Variants in FA2H observed in about 807,000 individuals in gnomAD.
FA2H encodes the protein fatty acid 2-hydroxylase, also known as fatty acid alpha-hydroxylase.
FA2H carries 22 observed loss-of-function variants against 44.9 expected under a neutral mutation model. The observed-to-expected ratio is 0.49, with a 90% CI of 0.35 to 0.70. The LOEUF (loss-of-function observed/expected upper bound fraction) is 0.70, where lower values mean the gene tolerates loss of function less well. FA2H is among the 30% of genes least tolerant of loss of function. The pLI is 0.01. For missense variants in FA2H, 501 were observed against 504.9 expected (o/e 0.99, Z 0.07); for synonymous variants, 243 against 213.2 (o/e 1.14, Z -1.22).
intron 2 of FA2H, among the ~76,000 whole-genome samples, chr16:74,735,718 G>A (rs899548454): frequency 9.2e-5 from 14 of 152,148 alleles, no homozygotes; most frequent in Non-Finnish European, 1.8e-4. Flanking sequence ...ATAAGATGCA[G>A]GGTTGCAATC....
intron 1 of FA2H, among the ~76,000 whole-genome samples, chr16:74,752,815 A>G (rs930536776): frequency 9.2e-5 from 14 of 152,140 alleles, no homozygotes; most frequent in African/African-American, 3.1e-4. Flanking sequence ...TGACCAGGGT[A>G]AGTGTCCTGG....
At chr16:74,743,472 G>A (rs1416595662) in intron 1 of FA2H, among the ~76,000 whole-genome samples, 1 of 152,212 alleles carries the variant, frequency 6.6e-6, no homozygotes, top group Non-Finnish European at 1.5e-5. Context: ...CTGCTCCTGG[G>A]AGACAGGGGG....
intron 1 of FA2H, among the ~76,000 whole-genome samples, chr16:74,772,741 C>T (rs897469098): frequency 1.3e-5 from 2 of 152,156 alleles, no homozygotes; most frequent in African/African-American, 2.4e-5. Flanking sequence ...CAGTAACCCA[C>T]GGTCAACCTG....
rs1216666790 is a variant in FA2H at position 74,741,972 on chromosome 16, C to T, written c.271-1857G>A. Among the ~76,000 whole-genome samples, 9 of 151,186 alleles carry T rather than the reference C, an allele frequency of 6.0e-5. No individual in the cohort carries two copies. In the East Asian group the frequency reaches 1.7e-3, roughly 29 times the overall value. ...TTAAATATCCAATATAAATGTCCTC[C>T]CTCTTCCCGTGACAGCAGCTCAATA... is the stretch of plus-strand genomic sequence containing the variant. On this transcript the variant is annotated intron_variant, in intron 1 of 6. Coordinates refer to ENST00000219368, the MANE Select transcript of FA2H (RefSeq NM_024306.5).
intron 2 of FA2H, among the ~76,000 whole-genome samples, chr16:74,733,206 G>A (rs538044774): frequency 6.6e-6 from 1 of 152,304 alleles, no homozygotes; most frequent in East Asian, 1.9e-4. Context: ...ATCCCAGGGA[G>A]GCCTCGCTCT....
intron 4 of FA2H, among the ~76,000 whole-genome samples, chr16:74,719,744 C>T (rs997957822): frequency 5.9e-5 from 9 of 151,636 alleles, no homozygotes; most frequent in East Asian, 1.9e-4. Flanking sequence ...TTTGTAGAGA[C>T]GAGATCTTGC....
chr16:74,715,549 C>T (rs1961674057), intron 6 of FA2H, among the ~76,000 whole-genome samples: 1 of 152,206 alleles, frequency 6.6e-6, no homozygotes, highest in South Asian at 2.1e-4. Flanking sequence ...GCCTCCGCCT[C>T]CTATAGTGCT....
At chr16:74,718,121 C>T (rs1228552319) in intron 5 of FA2H, among the ~76,000 whole-genome samples, 2 of 152,188 alleles carry the variant, frequency 1.3e-5, no homozygotes, top group East Asian at 3.9e-4. Context: ...TGAGAACTGT[C>T]CCAGGCGGCC....
At chr16:74,725,967 CT>C in intron 4 of FA2H, 7 of 453,224 alleles carry the variant, frequency 1.5e-5, no homozygotes, top group East Asian at 8.5e-5. Flanking sequence ...CTCTCTCTCT[CT>C]TTTTTTATTG....
chr16:74,729,370 G>A (rs1962029497), intron 2 of FA2H, among the ~76,000 whole-genome samples: 1 of 152,130 alleles, frequency 6.6e-6, no homozygotes, highest in African/African-American at 2.4e-5. Context: ...TTGAACTCCT[G>A]GGCTCAAGCG....
rs550888996 is a variant in FA2H at position 74,732,932 on chromosome 16, G to T, written c.364-5546C>A. Among the ~76,000 whole-genome samples the T allele has an allele frequency of 1.4e-4, 21 of 152,330 alleles. No individual in the cohort carries two copies. The South Asian group carries it at 4.3e-3, about 32-fold the overall frequency. On this transcript the variant is annotated intron_variant, in intron 2 of 6. Coordinates refer to ENST00000219368, the MANE Select transcript of FA2H (RefSeq NM_024306.5). ...CAGGTGTGGTGGGAACAGAGCCCCA[G>T]CACAGGGGTCTGTCATTTGATGTCA...
chr16:74,760,977 A>G (rs1022078948), intron 1 of FA2H, among the ~76,000 whole-genome samples: 1 of 152,078 alleles, frequency 6.6e-6, no homozygotes, highest in African/African-American at 2.4e-5. Context: ...GAGGAGGGAG[A>G]GCATCAGGAA....
Position 74,726,322 on chromosome 16 carries a change from G to T in FA2H, c.516C>A (p.Val172=). The change falls in exon 4 of 7, where the codon GTC becomes GTA. Residue 172 remains valine (V), a synonymous_variant. Coordinates refer to ENST00000219368, the MANE Select transcript of FA2H (RefSeq NM_024306.5). ...GCACCAGGGGCACCCAGATGATGGG[G>T]ACACTGTACCTGCAGGAAGGCCATC... The part of the protein sequence containing the change: ...EGLSKTVWYS[V]PIIWVPLVLY... The T allele has an allele frequency of 6.2e-7, 1 of 1,612,242 alleles. No homozygotes were observed. Among genetic ancestry groups the T allele is most frequent in the East Asian group, 2.2e-5 (1 of 44,882 alleles).
chr16:74,740,061 C>T lies in FA2H; in HGVS notation c.325G>A (p.Ala109Thr). ...ACCACTTTGAACCGTGGTTCCATAG[C>T]AGGATCTGTCTTCTGAGTTTCCTCA... Reference protein sequence around the residue: ...ALEETQKTDPAMEPRFKVVDW... With the variant: ...ALEETQKTDPTMEPRFKVVDW... Residue 109 changes from alanine (A) to threonine (T), a missense_variant, in exon 2 of 7, where the codon GCT becomes ACT. Transcript: ENST00000219368. 1.9e-6 allele frequency: 3 copies of T among 1,614,102 alleles called. No homozygotes were observed. Among genetic ancestry groups the T allele is most frequent in the Non-Finnish European group, 2.5e-6 (3 of 1,179,970 alleles).
intron 1 of FA2H, among the ~76,000 whole-genome samples, chr16:74,752,013 G>A (rs1368344990): frequency 1.3e-5 from 2 of 152,198 alleles, no homozygotes; most frequent in Admixed American, 1.3e-4. Context: ...AAATCGCCCA[G>A]TTGCTCAAGC....
intron 1 of FA2H, among the ~76,000 whole-genome samples, chr16:74,750,781 G>GTGTGTGTGTGTGTGTA (rs1376634373): frequency 0.019 from 2,900 of 151,286 alleles, 91 homozygotes; most frequent in African/African-American, 0.067. Flanking sequence ...GTGTGTGTGT[G>GTGTGTGTGTGTGTGTA]TGTGTGTGTT....
Position 74,714,108 on chromosome 16 carries a change from T to G in FA2H, c.*82A>C, listed in dbSNP as rs1490173662. On this transcript the variant is annotated 3_prime_UTR_variant, in exon 7 of 7. Coordinates refer to ENST00000219368, the MANE Select transcript of FA2H (RefSeq NM_024306.5). Reference sequence around the variant, plus strand: ...CCATCCTGCCTGGCCAAGCCAACCTTCTTAATGGGGTCTGAATGGCGGGTG... The same window carrying G: ...CCATCCTGCCTGGCCAAGCCAACCTGCTTAATGGGGTCTGAATGGCGGGTG... 1.2e-5 allele frequency: 11 copies of G among 887,330 alleles called. No individual in the cohort carries two copies. The highest frequency in any genetic ancestry group is 1.0e-4 in the Admixed American group (5 of 49,810). The allele number at this position is 887,330 out of a possible 1,614,324, so 55.0% of individuals were successfully genotyped here.
intron 1 of FA2H, among the ~76,000 whole-genome samples, chr16:74,746,451 T>C (rs1161256953): frequency 1.3e-5 from 2 of 151,732 alleles, no homozygotes; most frequent in Non-Finnish European, 2.9e-5. Context: ...CTCGAAATCC[T>C]GGCCTCAGGT....
At chr16:74,767,794 T>G (rs1284523033) in intron 1 of FA2H, among the ~76,000 whole-genome samples, 1 of 152,198 alleles carries the variant, frequency 6.6e-6, no homozygotes, top group Admixed American at 6.5e-5. Flanking sequence ...GCCACCGAGT[T>G]TGTGATAATT....
Sources: gnomAD v4.1 joint callset for allele counts (sites outside exome capture counted in the v4.1 genomes callset) on GRCh38, gnomAD v4.1.1 for gene constraint, MANE v1.5 for transcripts, NCBI Gene and HGNC (gene_info 2026-07-23, HGNC 2026-07-21) for gene names.